The following ZNF532 variants were observed in gnomAD, a reference collection of about 807,000 sequenced individuals.
The protein encoded by ZNF532 is zinc finger protein 532.
In ZNF532, 22 loss-of-function variants were observed where a neutral mutation model predicts 89.3. That is an observed-to-expected ratio of 0.25 (90% CI 0.18 to 0.35). The LOEUF is 0.35. ZNF532 is among the 10% of genes least tolerant of loss of function. The probability of loss-of-function intolerance (pLI) is 1.00; values close to 1 mark genes in which losing one functional copy is unlikely to be tolerated. For missense variants in ZNF532, 1,132 were observed against 1,643.4 expected (o/e 0.69, Z 5.38); for synonymous variants, 606 against 649.6 (o/e 0.93, Z 1.02).
chr18:58,953,794 G>A lies in ZNF532; in HGVS notation c.3145G>A (p.Gly1049Arg), dbSNP rs1406718814. ...CATATCCCACGTGAGGAAGGAGCACGGGAAGGTCAGTAAAGAATGAAAGCT... is the reference window on the plus strand; with the variant it reads ...CATATCCCACGTGAGGAAGGAGCACAGGAAGGTCAGTAAAGAATGAAAGCT... Reference protein sequence around the residue: ...VYISHVRKEHGKQMKKHPCRQ... With the variant: ...VYISHVRKEHRKQMKKHPCRQ... Residue 1049 changes from glycine (G) to arginine (R), a missense_variant, in exon 7 of 10, where the codon GGG becomes AGG. Transcript: ENST00000591808. 2.5e-6 allele frequency: 4 copies of A among 1,611,712 alleles called. No homozygotes were observed. The highest frequency in any genetic ancestry group is 2.2e-5 in the South Asian group (2 of 90,932).
At position 58,919,306 on chromosome 18, in the gene ZNF532, G is replaced by A; in HGVS notation, c.1019G>A (p.Ser340Asn). 2.5e-6 allele frequency: 4 copies of A among 1,614,164 alleles called. No homozygotes were observed. The highest frequency in any genetic ancestry group is 3.4e-6 in the Non-Finnish European group (4 of 1,180,024). The change falls in exon 3 of 10, where the codon AGT becomes AAT. Residue 340 changes from serine (S) to asparagine (N), a missense_variant. Around this residue, in one of 9 missense-constraint regions of ZNF532, gnomAD observed 124 missense variants for 191.6 expected, o/e 0.65. Coordinates refer to ENST00000591808, the MANE Select transcript of ZNF532 (RefSeq NM_001375912.1). This position sits in a 1 kb window ranked among gnomAD's most constrained non-coding sequence, Gnocchi z 6.1. The stretch of plus-strand genomic sequence containing the variant: ...CCGGATAGTCCCAGAAGCATCTCAA[G>A]TGAGAACAGCAGCAAAGGATCCCCG... ...KQPDSPRSIS[S>N]ENSSKGSPSS...
chr18:58,900,455 C>G (rs938646163), intron 2 of ZNF532, among the ~76,000 whole-genome samples: 14 of 152,180 alleles, frequency 9.2e-5, no homozygotes, highest in African/African-American at 3.4e-4. Flanking sequence ...GCTTCCCCAG[C>G]TGATGAAGGG....
At chr18:58,888,697 T>TTTTATATATA (rs1555708767) in intron 2 of ZNF532, among the ~76,000 whole-genome samples, 26 of 45,304 alleles carry the variant, frequency 5.7e-4, no homozygotes, top group African/African-American at 3.1e-3. Context: ...AAAAAAAAAA[T>TTTTATATATA]TATATATATA....
At chr18:58,915,394 C>A (rs78897291) in intron 2 of ZNF532, among the ~76,000 whole-genome samples, 3 of 152,166 alleles carry the variant, frequency 2.0e-5, no homozygotes, top group African/African-American at 7.2e-5. Context: ...GACTCCCCCA[C>A]GTCCCCCATG....
intron 3 of ZNF532, among the ~76,000 whole-genome samples, chr18:58,922,133 G>T (rs2061148649): frequency 6.6e-6 from 1 of 151,954 alleles, no homozygotes; most frequent in Non-Finnish European, 1.5e-5. Context: ...AAAAACTTGT[G>T]AAATTCAAAG....
intron 2 of ZNF532, chr18:58,916,807 A>G: frequency 2.5e-6 from 2 of 814,858 alleles, no homozygotes; most frequent in Non-Finnish European, 3.0e-6. Flanking sequence ...GTGTATTCTC[A>G]CTGAGTAGAA....
At chr18:58,920,918 G>C (rs1325622122) in intron 3 of ZNF532, among the ~76,000 whole-genome samples, 1 of 151,928 alleles carries the variant, frequency 6.6e-6, no homozygotes, top group Admixed American at 6.6e-5. Context: ...TAGCAGGAGT[G>C]GTAGTGGCAG....
intron 2 of ZNF532, among the ~76,000 whole-genome samples, chr18:58,869,503 A>G (rs1488599055): frequency 1.3e-5 from 2 of 152,236 alleles, no homozygotes; most frequent in African/African-American, 4.8e-5. Context: ...GGTTCAATAA[A>G]ACACAAAACA....
intron 6 of ZNF532, 150 bp downstream of exon 6, chr18:58,948,379 T>A (rs908744328): frequency 1.9e-5 from 13 of 678,972 alleles, no homozygotes; most frequent in African/African-American, 1.5e-4. Flanking sequence ...ACTTACATGC[T>A]GTCATCATGT....
intron 3 of ZNF532, among the ~76,000 whole-genome samples, chr18:58,923,961 A>AT (rs1396846353): frequency 1.3e-5 from 2 of 151,942 alleles, no homozygotes; most frequent in African/African-American, 2.4e-5. Flanking sequence ...GGTTCAAGTG[A>AT]TTCCCCTGCC....
rs140223819 is a variant in ZNF532 at position 58,920,551 on chromosome 18, A to T, written c.2264A>T (p.Lys755Ile). ...DPSKLCRHSL[K>I]CLECNEVFQD... ...TCCAAACTGTGTAGACATAGTCTAA[A>T]ATGTTTGGAGTGTAATGAAGTCTTC... The change falls in exon 3 of 10, where the codon AAA (lysine) becomes ATA (isoleucine). Residue 755 changes from lysine to isoleucine, a missense_variant. Transcript: ENST00000591808. The T allele has an allele frequency of 2.5e-6, 4 of 1,613,524 alleles. No individual in the cohort carries two copies. Among genetic ancestry groups the T allele is most frequent in the African/African-American group, 1.3e-5 (1 of 74,892 alleles).
Position 58,918,869 on chromosome 18 carries a change from T to C in ZNF532, c.582T>C (p.Asn194=), listed in dbSNP as rs770553919. ...AAACTGGACTCTCTACGTCAGGCAA[T>C]GTGGAGAAAAACAAAGCTGTTAAGA... is the stretch of plus-strand genomic sequence containing the variant. ...SSKTGLSTSG[N]VEKNKAVKRE... The change falls in exon 3 of 10, where the codon AAT becomes AAC. Residue 194 remains asparagine (N), a synonymous_variant. Transcript: ENST00000591808. 4 of 1,613,966 alleles carry C rather than the reference T, an allele frequency of 2.5e-6. No individual in the cohort carries two copies. In the East Asian group the frequency reaches 6.7e-5, roughly 27 times the overall value.
chr18:58,978,035 A>G (rs1568467374), intron 7 of ZNF532, among the ~76,000 whole-genome samples: 1 of 152,202 alleles, frequency 6.6e-6, no homozygotes, highest in South Asian at 2.1e-4. Context: ...ACTGCTATGC[A>G]TGTCATAACC....
intron 7 of ZNF532, among the ~76,000 whole-genome samples, chr18:58,976,162 C>T (rs982663077): frequency 1.3e-5 from 2 of 152,148 alleles, no homozygotes; most frequent in African/African-American, 4.8e-5. Context: ...TGTTTTAAAC[C>T]TCATTTTCTT....
intron 5 of ZNF532, among the ~76,000 whole-genome samples, chr18:58,942,337 CCCTCCCTCCCTCCCTTCCTT>C (rs1285489684): frequency 1.6e-5 from 1 of 63,418 alleles, no homozygotes; most frequent in African/African-American, 6.6e-5. Context: ...CTCCCTCCCT[CCCTCCCTCCCTCCCTTCCTT>C]CCTTCCTTCC....
intron 2 of ZNF532, 89 bp from the exon 3 acceptor site, chr18:58,918,182 C>A: frequency 1.6e-6 from 2 of 1,213,646 alleles, no homozygotes; most frequent in Non-Finnish European, 2.3e-6. Context: ...TCTTAGTAAT[C>A]GTTATGTTAG....
intron 2 of ZNF532, among the ~76,000 whole-genome samples, chr18:58,898,881 C>T (rs1406406867): frequency 1.3e-5 from 2 of 152,234 alleles, no homozygotes; most frequent in East Asian, 3.8e-4. Context: ...ACCTGTCTTT[C>T]CCAGAATTCC....
Position 58,865,501 on chromosome 18 carries a change from C to T in ZNF532, c.-96C>T, listed in dbSNP as rs899741710. 1 of 152,936 alleles carries T rather than the reference C, an allele frequency of 6.5e-6. No homozygotes were observed. The highest frequency in any genetic ancestry group is 2.1e-4 in the South Asian group (1 of 4,814). 9.5% of individuals were successfully genotyped at this position (152,936 alleles called of 1,614,324 possible). ...TGACTGGGGCTGCTTTTAACCCTTT[C>T]CTATTTGCTGAGAATGCAGCCGTGT... On this transcript the variant is annotated 5_prime_UTR_variant, in exon 2 of 10. Coordinates refer to ENST00000591808, the MANE Select transcript of ZNF532 (RefSeq NM_001375912.1).
At chr18:58,947,260 C>T (rs961894087) in intron 5 of ZNF532, among the ~76,000 whole-genome samples, 19 of 152,112 alleles carry the variant, frequency 1.2e-4, no homozygotes, top group Admixed American at 1.2e-3. Context: ...AGGCAGAGGC[C>T]GGCAGCAGGG....
Sources: gnomAD v4.1 joint callset for allele counts (sites outside exome capture counted in the v4.1 genomes callset) on GRCh38, gnomAD v4.1.1 for gene constraint, gnomAD v4.1.1 regional missense constraint, Gnocchi (gnomAD v3.1) non-coding constraint, MANE v1.5 for transcripts, NCBI Gene and HGNC (gene_info 2026-07-23, HGNC 2026-07-21) for gene names.